SAMD4A: variants seen among roughly 807,000 people sequenced by gnomAD.
The protein encoded by SAMD4A is sterile alpha motif domain containing 4A, also known as protein Smaug homolog 1.
A neutral mutation model predicts 81.3 loss-of-function variants in SAMD4A; 33 were observed. The ratio of observed to expected loss-of-function variants is 0.41; its 90% confidence interval spans 0.31 to 0.54. The LOEUF is 0.54. Ranked by LOEUF, SAMD4A falls within the 20% of genes least tolerant of loss-of-function variation. The pLI is 0.37. For synonymous variants in SAMD4A, 389 were observed against 382.1 expected (o/e 1.02, Z -0.21); for missense variants, 854 against 951.1 (o/e 0.90, Z 1.34).
intron 3 of SAMD4A, among the ~76,000 whole-genome samples, chr14:54,712,801 T>G (rs941339121): frequency 4.6e-5 from 7 of 152,142 alleles, no homozygotes; most frequent in Admixed American, 2.6e-4. Context: ...CCAGGAAGAT[T>G]TTTTTAGACT....
At chr14:54,656,006 G>A (rs1425623105) in intron 2 of SAMD4A, among the ~76,000 whole-genome samples, 1 of 151,866 alleles carries the variant, frequency 6.6e-6, no homozygotes, top group South Asian at 2.1e-4. Context: ...AATAGTGTTT[G>A]GCATATAATA....
At chr14:54,780,139 G>A (rs2038963722) in intron 11 of SAMD4A, among the ~76,000 whole-genome samples, 1 of 152,122 alleles carries the variant, frequency 6.6e-6, no homozygotes, top group Admixed American at 6.5e-5. Flanking sequence ...CCCATAGCAG[G>A]CTTCAAAGGA....
At chr14:54,706,434 A>G (rs1331183163) in intron 3 of SAMD4A, among the ~76,000 whole-genome samples, 2 of 151,790 alleles carry the variant, frequency 1.3e-5, no homozygotes, top group African/African-American at 4.8e-5. Context: ...GTGAAACCCT[A>G]TCTCTACTAA....
intron 8 of SAMD4A, among the ~76,000 whole-genome samples, chr14:54,765,275 G>T (rs1197610460): frequency 1.3e-5 from 2 of 152,090 alleles, no homozygotes; most frequent in Non-Finnish European, 2.9e-5. Flanking sequence ...GAAAACTTGG[G>T]ACCAGATAAA....
chr14:54,788,396 C>G (rs1432475908), intron 12 of SAMD4A, among the ~76,000 whole-genome samples: 1 of 152,178 alleles, frequency 6.6e-6, no homozygotes, highest in Non-Finnish European at 1.5e-5. Flanking sequence ...CATCCTTCAT[C>G]CTAAACCTCC....
chr14:54,749,117 G>A (rs1026143706), intron 5 of SAMD4A, among the ~76,000 whole-genome samples, 193 bp downstream of exon 5: 27 of 152,202 alleles, frequency 1.8e-4, no homozygotes, highest in Admixed American at 5.9e-4. Context: ...GGTCCAATAG[G>A]AGATGGAAGA....
At chr14:54,657,052 T>G (rs911376916) in intron 2 of SAMD4A, among the ~76,000 whole-genome samples, 1 of 152,180 alleles carries the variant, frequency 6.6e-6, no homozygotes, top group African/African-American at 2.4e-5. Context: ...TTGACTGGTA[T>G]TCAGGATGCC....
chr14:54,701,932 G>A, intron 2 of SAMD4A, 130 bp from the exon 3 acceptor site: 2 of 991,370 alleles, frequency 2.0e-6, no homozygotes, highest in Non-Finnish European at 2.9e-6. Flanking sequence ...CTGATTCACA[G>A]GCTCTTTTGA....
chr14:54,746,804 C>A (rs2037980054), intron 4 of SAMD4A, among the ~76,000 whole-genome samples: 1 of 152,198 alleles, frequency 6.6e-6, no homozygotes, highest in Non-Finnish European at 1.5e-5. Flanking sequence ...TTCTCTGAAT[C>A]ATGATCATTG....
At chr14:54,589,665 A>G (rs903046154) in intron 2 of SAMD4A, among the ~76,000 whole-genome samples, 4 of 152,208 alleles carry the variant, frequency 2.6e-5, no homozygotes, top group African/African-American at 4.8e-5. Context: ...AAGAACATAT[A>G]CTGTGTTAGA....
At chr14:54,620,274 G>C (rs2034585111) in intron 2 of SAMD4A, among the ~76,000 whole-genome samples, 2 of 152,134 alleles carry the variant, frequency 1.3e-5, no homozygotes, top group Admixed American at 6.5e-5. Context: ...CCCTCATAGG[G>C]TTGTTTTGAG....
Position 54,702,390 on chromosome 14 carries a change from C to T in SAMD4A, c.525C>T (p.His175=). ...ACTCTGTGGATTATGGACAGACACA[C>T]TACTATCACCAAAGACAGAACTCTG... ...RSDSVDYGQT[H]YYHQRQNSDD... The change falls in exon 3 of 13, where the codon CAC becomes CAT. Residue 175 remains histidine, a synonymous_variant. Transcript: ENST00000554335. 6.2e-7 allele frequency: 1 copy of T among 1,614,174 alleles called. No homozygotes were observed. The highest frequency in any genetic ancestry group is 8.5e-7 in the Non-Finnish European group (1 of 1,180,010).
intron 3 of SAMD4A, among the ~76,000 whole-genome samples, chr14:54,725,411 C>G (rs536533302): frequency 1.2e-4 from 18 of 152,218 alleles, no homozygotes; most frequent in African/African-American, 3.9e-4. Context: ...AGATTCTTAC[C>G]AGGAAAAGCA....
chr14:54,711,432 A>G lies in SAMD4A; in HGVS notation c.715+8852A>G, dbSNP rs547931795. Among the ~76,000 whole-genome samples, 9 of 152,304 alleles carry G rather than the reference A, an allele frequency of 5.9e-5. No homozygotes were observed. In the East Asian group the frequency reaches 1.5e-3, roughly 26 times the overall value. On this transcript the variant is annotated intron_variant, in intron 3 of 12. Coordinates refer to ENST00000554335, the MANE Select transcript of SAMD4A (RefSeq NM_015589.6). ...GATCGTAAAAACAGCTGAGATCTGAATAAGGCCTGTAGTCTAGTTAGTTGT... is the reference window on the plus strand; with the variant it reads ...GATCGTAAAAACAGCTGAGATCTGAGTAAGGCCTGTAGTCTAGTTAGTTGT...
chr14:54,665,677 T>C (rs570027984), intron 2 of SAMD4A, among the ~76,000 whole-genome samples: 2 of 152,316 alleles, frequency 1.3e-5, no homozygotes, highest in African/African-American at 2.4e-5. Context: ...GTAGAATTGG[T>C]TGGATTTCCT....
intron 2 of SAMD4A, among the ~76,000 whole-genome samples, chr14:54,607,547 C>T (rs1442208098): frequency 6.6e-6 from 1 of 151,594 alleles, no homozygotes; most frequent in Non-Finnish European, 1.5e-5. Flanking sequence ...GCTCCGCCTC[C>T]TGGGTTCATG....
chr14:54,568,030 C>T lies in SAMD4A; in HGVS notation c.114C>T (p.Ala38=), dbSNP rs1384588592. ...TCAAGCGCGTGAGCCAGACCCAGGC[C>T]CGCTTCCTCCAGCTCTGCCTGGAGC... ...SLLKRVSQTQ[A]RFLQLCLEHS... is the part of the protein sequence containing the mutation. The change falls in exon 2 of 13, where the codon GCC becomes GCT. Residue 38 remains alanine, a synonymous_variant. Transcript: ENST00000554335. 1 of 1,604,840 alleles carries T rather than the reference C, an allele frequency of 6.2e-7. No homozygotes were observed. Among genetic ancestry groups the T allele is most frequent in the Non-Finnish European group, 8.5e-7 (1 of 1,179,260 alleles).
intron 2 of SAMD4A, among the ~76,000 whole-genome samples, chr14:54,619,341 C>T (rs185983402): frequency 1.3e-3 from 205 of 152,174 alleles, no homozygotes; most frequent in Middle Eastern, 0.01. Flanking sequence ...TGAGCTCTTG[C>T]CTTCTCATCT....
At chr14:54,598,833 CTCTCTTGTACAGGG>C (rs2033980572) in intron 2 of SAMD4A, among the ~76,000 whole-genome samples, 2 of 151,782 alleles carry the variant, frequency 1.3e-5, no homozygotes, top group African/African-American at 4.8e-5. Context: ...CTTCCATCCA[CTCTCTTGTACAGGG>C]TCTCACTCTG....
Sources: gnomAD v4.1 joint callset for allele counts (sites outside exome capture counted in the v4.1 genomes callset) on GRCh38, gnomAD v4.1.1 for gene constraint, MANE v1.5 for transcripts, NCBI Gene and HGNC (gene_info 2026-07-23, HGNC 2026-07-21) for gene names.